MB21D2: variants seen among roughly 807,000 people sequenced by gnomAD.
MB21D2 encodes the protein Mab-21 domain containing 2.
MB21D2 carries 9 observed loss-of-function variants against 33.3 expected under a neutral mutation model. That is an observed-to-expected ratio of 0.27 (90% confidence interval 0.16 to 0.47). The LOEUF (loss-of-function observed/expected upper bound fraction) is 0.47, where lower values mean the gene tolerates loss of function less well. Ranked by LOEUF, MB21D2 falls within the 20% of genes least tolerant of loss-of-function variation. The probability of loss-of-function intolerance (pLI) is 0.99; values close to 1 mark genes in which losing one functional copy is unlikely to be tolerated. For synonymous variants in MB21D2, 241 were observed against 236.3 expected (o/e 1.02, Z -0.18); for missense variants, 540 against 624.6 (o/e 0.86, Z 1.44).
intron 1 of MB21D2, among the ~76,000 whole-genome samples, chr3:192,912,314 T>G (rs919847111): frequency 7.2e-5 from 11 of 152,078 alleles, no homozygotes; most frequent in African/African-American, 2.7e-4. Context: ...CATTAAGTAT[T>G]TGTCAAATGC....
intron 1 of MB21D2, among the ~76,000 whole-genome samples, chr3:192,873,612 G>A (rs1713365250): frequency 6.6e-6 from 1 of 152,156 alleles, no homozygotes; most frequent in Non-Finnish European, 1.5e-5. Context: ...CCCCTCTCTT[G>A]TTATCCCTCC....
intron 1 of MB21D2, among the ~76,000 whole-genome samples, chr3:192,858,425 CATATT>C (rs1712967132): frequency 6.6e-6 from 1 of 152,182 alleles, no homozygotes; most frequent in African/African-American, 2.4e-5. Flanking sequence ...AATATAACAT[CATATT>C]ATAATTCATA....
chr3:192,896,538 C>T (rs975046811), intron 1 of MB21D2, among the ~76,000 whole-genome samples: 1 of 152,198 alleles, frequency 6.6e-6, no homozygotes, highest in African/African-American at 2.4e-5. Flanking sequence ...TTTACTTCTT[C>T]TGTGGCACTG....
At chr3:192,904,721 A>G (rs1284817144) in intron 1 of MB21D2, among the ~76,000 whole-genome samples, 8 of 152,238 alleles carry the variant, frequency 5.3e-5, no homozygotes, top group Non-Finnish European at 1.2e-4. Context: ...TGGAAGAACA[A>G]CGGGCAGGTG....
chr3:192,863,402 G>A (rs1229845364), intron 1 of MB21D2, among the ~76,000 whole-genome samples: 4 of 152,162 alleles, frequency 2.6e-5, no homozygotes, highest in East Asian at 1.9e-4. Flanking sequence ...CTATATCTAC[G>A]GGACTAACGG....
intron 1 of MB21D2, among the ~76,000 whole-genome samples, chr3:192,846,459 C>T (rs1259916234): frequency 1.3e-5 from 2 of 151,994 alleles, no homozygotes; most frequent in African/African-American, 4.8e-5. Context: ...CTTCCTTGCT[C>T]CCCTGCCCCA....
chr3:192,906,365 C>T (rs1714215603), intron 1 of MB21D2, among the ~76,000 whole-genome samples: 1 of 152,220 alleles, frequency 6.6e-6, no homozygotes, highest in Non-Finnish European at 1.5e-5. Context: ...AATGCCAAGG[C>T]AGGCAGCCCC....
intron 1 of MB21D2, among the ~76,000 whole-genome samples, chr3:192,913,018 C>A (rs1714387559): frequency 6.6e-6 from 1 of 152,214 alleles, no homozygotes; most frequent in African/African-American, 2.4e-5. Flanking sequence ...CAATGGTCAG[C>A]ACATGGTATG....
At chr3:192,917,387 A>T (rs895864356) in intron 1 of MB21D2, among the ~76,000 whole-genome samples, 1 of 152,222 alleles carries the variant, frequency 6.6e-6, no homozygotes, top group Non-Finnish European at 1.5e-5. Flanking sequence ...GAAATTAACA[A>T]AAGAGCAAGC....
chr3:192,828,114 G>A (rs1207108898), intron 1 of MB21D2, among the ~76,000 whole-genome samples: 1 of 152,052 alleles, frequency 6.6e-6, no homozygotes, highest in Admixed American at 6.5e-5. Flanking sequence ...GTGGAACTGT[G>A]AGTCCATTAA....
chr3:192,873,628 C>T (rs1256825809), intron 1 of MB21D2, among the ~76,000 whole-genome samples: 1 of 152,182 alleles, frequency 6.6e-6, no homozygotes, highest in African/African-American at 2.4e-5. Context: ...CCTCCTCTAC[C>T]ACTCTTTGAC....
At chr3:192,819,502 C>T (rs1711998233) in intron 1 of MB21D2, among the ~76,000 whole-genome samples, 1 of 152,310 alleles carries the variant, frequency 6.6e-6, no homozygotes, top group African/African-American at 2.4e-5. Flanking sequence ...CCCACCCCCG[C>T]TTCGACCACT....
chr3:192,817,351 A>G (rs1711949614), intron 1 of MB21D2, among the ~76,000 whole-genome samples: 1 of 152,146 alleles, frequency 6.6e-6, no homozygotes, highest in Non-Finnish European at 1.5e-5. Flanking sequence ...TTTGTAAGGG[A>G]CAGAAAACAC....
intron 1 of MB21D2, among the ~76,000 whole-genome samples, chr3:192,819,982 G>A (rs1425233155): frequency 6.6e-6 from 1 of 152,112 alleles, no homozygotes; most frequent in African/African-American, 2.4e-5. Context: ...AAGGGGGTAG[G>A]GGAATCAGCT....
In MB21D2 at chr3:192,884,104, C is replaced by G. The variant is rs547119489; in HGVS notation, c.211+33526G>C. ...CCATGTCCGAAGCCCTTGGCATGGGCGTATATCAGATGGGACATTCCCCTA... is the reference window on the plus strand; with the variant it reads ...CCATGTCCGAAGCCCTTGGCATGGGGGTATATCAGATGGGACATTCCCCTA... On this transcript the variant is annotated intron_variant, in intron 1 of 1. Transcript: ENST00000392452. Among the ~76,000 whole-genome samples, 120 of 152,084 alleles carry G rather than the reference C, an allele frequency of 7.9e-4. 1 individual carries two copies. The highest frequency in any genetic ancestry group is 2.7e-3 in the African/African-American group (111 of 41,436).
At chr3:192,817,888 G>A (rs1560229542) in intron 1 of MB21D2, among the ~76,000 whole-genome samples, 2 of 131,944 alleles carry the variant, frequency 1.5e-5, no homozygotes, top group African/African-American at 2.8e-5. Flanking sequence ...CCACTCTGAG[G>A]CCAATCTCCA....
intron 1 of MB21D2, among the ~76,000 whole-genome samples, chr3:192,884,783 C>T (rs1027093868): frequency 6.6e-6 from 1 of 152,070 alleles, no homozygotes; most frequent in Non-Finnish European, 1.5e-5. Flanking sequence ...CTTTCCACGC[C>T]TGCCTTCCTC....
intron 1 of MB21D2, among the ~76,000 whole-genome samples, chr3:192,872,391 A>T (rs1235765743): frequency 6.6e-6 from 1 of 152,080 alleles, no homozygotes; most frequent in Non-Finnish European, 1.5e-5. Context: ...CATGGCGAAC[A>T]CGGTGAAAAC....
At chr3:192,800,670 C>T (rs1711545884) in intron 1 of MB21D2, among the ~76,000 whole-genome samples, 1 of 152,144 alleles carries the variant, frequency 6.6e-6, no homozygotes, top group Non-Finnish European at 1.5e-5. Context: ...AACCATAAAA[C>T]CCGTCTTCCT....
Sources: allele counts gnomAD v4.1 joint callset (sites outside exome capture counted in the v4.1 genomes callset), GRCh38; gene constraint gnomAD v4.1.1; transcripts MANE v1.5; gene names NCBI Gene and HGNC (gene_info 2026-07-23, HGNC 2026-07-21).